SGSM1: variants seen among roughly 807,000 people sequenced by gnomAD.
SGSM1 encodes RUN and TBC1 domain containing 2.
Under a neutral mutation model 133.8 loss-of-function variants are expected in SGSM1, and 73 were observed. The ratio of observed to expected loss-of-function variants is 0.55; its 90% CI spans 0.45 to 0.66. The LOEUF (loss-of-function observed/expected upper bound fraction) is 0.66. SGSM1 is among the 30% of genes least tolerant of loss of function. The pLI is 0.00. For missense variants in SGSM1, 1,213 were observed against 1,448.1 expected (o/e 0.84, Z 2.64); for synonymous variants, 563 against 573.0 (o/e 0.98, Z 0.25).
At chr22:24,845,951 T>TTCTTTCTTTCTTTCTTTCTTTCTC (rs1930094653) in intron 3 of SGSM1, among the ~76,000 whole-genome samples, 1 of 81,066 alleles carries the variant, frequency 1.2e-5, no homozygotes, top group African/African-American at 4.1e-5. Context: ...TTTTCTTTCT[T>TTCTTTCTTTCTTTCTTTCTTTCTC]TCTTTCTTTC....
At chr22:24,837,911 C>T (rs547733198) in intron 2 of SGSM1, among the ~76,000 whole-genome samples, 1 of 152,296 alleles carries the variant, frequency 6.6e-6, no homozygotes, top group South Asian at 2.1e-4. Context: ...ATAATCATAT[C>T]TAAGATCTAT....
rs77925216 is a variant in SGSM1 at position 24,898,234 on chromosome 22, G to T, written c.2285G>T (p.Ser762Ile). 1.9e-6 allele frequency: 3 copies of T among 1,613,612 alleles called. No homozygotes were observed. The highest frequency in any genetic ancestry group is 1.3e-5 in the African/African-American group (1 of 75,038). ...GGCAGCGTGGATGACAGGCAGAGCA[G>T]CGAGGCCACCACATCTCAGGATGAG... ...RDGSVDDRQS[S>I]EATTSQDEAP... The change falls in exon 19 of 25, where the codon AGC becomes ATC. Residue 762 changes from serine (S) to isoleucine (I), a missense_variant. Physicochemically the swap from Ser to Ile is moderately radical, Grantham distance 142. Transcript: ENST00000400358.
chr22:24,829,808 G>A (rs977632086), intron 2 of SGSM1, among the ~76,000 whole-genome samples: 5 of 152,162 alleles, frequency 3.3e-5, no homozygotes. Context: ...TCCAGAAAAA[G>A]TGAATAATGA....
rs779519197 is a variant in SGSM1 at position 24,876,585 on chromosome 22, G to A, written c.1300G>A (p.Asp434Asn). Residue 434 changes from aspartate to asparagine, a missense_variant, in exon 13 of 25, where the codon GAT (aspartate) becomes AAT (asparagine). By Grantham distance (23) the Asp-to-Asn change is conservative. Transcript: ENST00000400358. The part of the protein sequence containing the change: ...PGMQSEFVPQ[D>N]LMDVSVSNLP... ...CCTTCTATCCACCACAGTGCCCCAG[G>A]ATCTGATGGACGTCTCTGTAAGCAA... 2.0e-5 allele frequency: 33 copies of A among 1,613,886 alleles called. No homozygotes were observed. Among genetic ancestry groups the A allele is most frequent in the Admixed American group, 3.3e-5 (2 of 60,000 alleles).
Position 24,818,681 on chromosome 22 carries a change from T to TA in SGSM1, c.63+12201dup, listed in dbSNP as rs1297281996. On this transcript the variant is annotated intron_variant, in intron 2 of 24. Coordinates refer to ENST00000400358, the MANE Select transcript of SGSM1 (RefSeq NM_001098497.3). The stretch of plus-strand genomic sequence containing the variant: ...CGTGCCCAGGCGTGGATTAGGACGT[T>TA]AAAATATGAATTTTAGAGGGATATG... Among the ~76,000 whole-genome samples, 6 of 152,142 alleles carry TA rather than the reference T, an allele frequency of 3.9e-5. No individual in the cohort carries two copies. In the East Asian group the frequency reaches 9.7e-4, roughly 25 times the overall value.
rs567693332 is a variant in SGSM1 at position 24,869,813 on chromosome 22, G to A, written c.1291+958G>A. Among the ~76,000 whole-genome samples, 32 of 152,272 alleles carry A rather than the reference G, an allele frequency of 2.1e-4. 1 individual carries two copies. The highest frequency in any genetic ancestry group is 1.7e-3 in the Admixed American group (26 of 15,294). ...ACGGTGCCTGCCGTGACACAGATGC[G>A]CAGCAAATGGAAGTTCTTACTAGTA... On this transcript the variant is annotated intron_variant, in intron 12 of 24. Transcript: ENST00000400358.
intron 2 of SGSM1, among the ~76,000 whole-genome samples, chr22:24,813,051 G>A (rs370558637): frequency 3.3e-5 from 5 of 152,196 alleles, no homozygotes; most frequent in Admixed American, 1.3e-4. Context: ...GTCAGGGATG[G>A]CCTCACTGAT....
At chr22:24,862,185 G>C (rs1931194137) in intron 9 of SGSM1, among the ~76,000 whole-genome samples, 1 of 152,002 alleles carries the variant, frequency 6.6e-6, no homozygotes, top group Admixed American at 6.6e-5. Flanking sequence ...CCCAACTTCA[G>C]CTGATCCACC....
Position 24,925,173 on chromosome 22 carries a change from A to G in SGSM1, c.*899A>G, listed in dbSNP as rs1345137413. ...GAGTTTTGAGACCAGCCTGGCCAACATGGTGAAACCCCATCTCTACTAAAA... is the reference window on the plus strand; with the variant it reads ...GAGTTTTGAGACCAGCCTGGCCAACGTGGTGAAACCCCATCTCTACTAAAA... On this transcript the variant is annotated 3_prime_UTR_variant, in exon 25 of 25. Coordinates refer to ENST00000400358, the MANE Select transcript of SGSM1 (RefSeq NM_001098497.3). The G allele has an allele frequency of 6.6e-6, 1 of 152,194 alleles. No individual in the cohort carries two copies. Among genetic ancestry groups the G allele is most frequent in the African/African-American group, 2.4e-5 (1 of 41,438 alleles). 9.4% of individuals were successfully genotyped at this position (152,194 alleles called of 1,614,324 possible). A position where few individuals can be genotyped will look rare whatever the true frequency, so the allele number is the denominator to read the frequency against.
In SGSM1 at chr22:24,840,327, A is replaced by T. The variant is rs1217486172; in HGVS notation, c.64-4570A>T. Among the ~76,000 whole-genome samples, 4 of 151,192 alleles carry T rather than the reference A, an allele frequency of 2.6e-5. No homozygotes were observed. The East Asian group carries it at 5.9e-4, about 22-fold the overall frequency. On this transcript the variant is annotated intron_variant, in intron 2 of 24. Coordinates refer to ENST00000400358, the MANE Select transcript of SGSM1 (RefSeq NM_001098497.3). Reference sequence around the variant, plus strand: ...ATGGCTGCTCTAATCTTTATTTTTTAATTTTTGAATTTTTAATTTTTATGT... The same window carrying T: ...ATGGCTGCTCTAATCTTTATTTTTTTATTTTTGAATTTTTAATTTTTATGT...
chr22:24,880,651 A>G (rs9624635), intron 14 of SGSM1, among the ~76,000 whole-genome samples: 25,958 of 152,162 alleles, frequency 0.17, 4,306 homozygotes, highest in African/African-American at 0.43. Context: ...CCACCCATCC[A>G]CAGTGCCTAA....
At chr22:24,899,300 T>C (rs1180994980) in intron 19 of SGSM1, among the ~76,000 whole-genome samples, 1 of 152,068 alleles carries the variant, frequency 6.6e-6, no homozygotes, top group African/African-American at 2.4e-5. Flanking sequence ...AGACATATCA[T>C]GTTTTTCATT....
At chr22:24,845,234 GAC>G (rs1237668002) in intron 3 of SGSM1, among the ~76,000 whole-genome samples, 1 of 152,156 alleles carries the variant, frequency 6.6e-6, no homozygotes, top group Admixed American at 6.5e-5. Flanking sequence ...CACCCCAAGT[GAC>G]ACACAGTCTT....
At chr22:24,908,622 G>GAA (rs1198129574) in intron 21 of SGSM1, among the ~76,000 whole-genome samples, 1 of 152,096 alleles carries the variant, frequency 6.6e-6, no homozygotes, top group Non-Finnish European at 1.5e-5. Context: ...CTAACATGGT[G>GAA]AAACCCTGTC....
chr22:24,901,771 A>G, intron 19 of SGSM1, 62 bp from the exon 20 acceptor site: 1 of 1,572,756 alleles, frequency 6.4e-7, no homozygotes, highest in South Asian at 1.2e-5. Flanking sequence ...GCTGCTTTCC[A>G]GTGGGGACTT....
rs181577460 is a variant in SGSM1 at position 24,885,181 on chromosome 22, C to T, written c.1641+983C>T. 3.7e-3 allele frequency among the ~76,000 whole-genome samples: 565 copies of T among 152,148 alleles called. 3 individuals are homozygous for T. Among genetic ancestry groups the T allele is most frequent in the Non-Finnish European group, 2.3e-3 (159 of 68,012 alleles). ...AACTCCCGACCTCAGGTGGTCTGCC[C>T]GCCTCAGCCTCCCAAAGTGCTGGGA... On this transcript the variant is annotated intron_variant, in intron 15 of 24. Coordinates refer to ENST00000400358, the MANE Select transcript of SGSM1 (RefSeq NM_001098497.3).
intron 22 of SGSM1, among the ~76,000 whole-genome samples, chr22:24,917,076 A>G (rs1485833229): frequency 9.7e-6 from 1 of 103,316 alleles, no homozygotes; most frequent in African/African-American, 3.7e-5. Context: ...TTTTTTTTTT[A>G]GAGACAGGGT....
At chr22:24,807,407 AG>A (rs1481011171) in intron 2 of SGSM1, among the ~76,000 whole-genome samples, 2 of 151,522 alleles carry the variant, frequency 1.3e-5, no homozygotes, top group Non-Finnish European at 2.9e-5. Context: ...TGTTTTTGTG[AG>A]GGTGGGTCTG....
At position 24,806,241 on chromosome 22, in the gene SGSM1, TGCA is replaced by T; in HGVS notation, c.-76_-74del. On this transcript the variant is annotated 5_prime_UTR_variant, in exon 1 of 25. Coordinates refer to ENST00000400358, the MANE Select transcript of SGSM1 (RefSeq NM_001098497.3). ...GCGCTCGGCCCCGCCCCGCCGCGGC[TGCA>T]GCAGCAGCGCCGCGGCCGGAGGAGC... The T allele has an allele frequency of 7.7e-7, 1 of 1,303,300 alleles. No homozygotes were observed. Among genetic ancestry groups the T allele is most frequent in the South Asian group, 2.3e-5 (1 of 44,056 alleles). The allele number at this position is 1,303,300 out of a possible 1,614,324, so 80.7% of individuals were successfully genotyped here. A position where few individuals can be genotyped will look rare whatever the true frequency, so the allele number is the denominator to read the frequency against.
Sources: gnomAD v4.1 joint callset for allele counts (sites outside exome capture counted in the v4.1 genomes callset) on GRCh38, gnomAD v4.1.1 for gene constraint, MANE v1.5 for transcripts, NCBI Gene and HGNC (gene_info 2026-07-23, HGNC 2026-07-21) for gene names.